The following ATOH8 variants were observed in gnomAD, a reference collection of about 807,000 sequenced individuals.
ATOH8 encodes the protein atonal bHLH transcription factor 8.
ATOH8 carries 9 observed loss-of-function variants against 21.2 expected under a neutral mutation model. The ratio of observed to expected loss-of-function variants is 0.42; its 90% confidence interval spans 0.26 to 0.74. The LOEUF is 0.74. Ranked by LOEUF, ATOH8 falls within the 30% of genes least tolerant of loss-of-function variation. ATOH8 has a pLI of 0.24. For missense variants in ATOH8, 524 were observed against 470.9 expected (o/e 1.11, Z -1.04); for synonymous variants, 253 against 224.0 (o/e 1.13, Z -1.16).
rs1679579613 is a variant in ATOH8 at position 85,754,027 on chromosome 2, G to A, written c.-163G>A. Reference sequence around the variant, plus strand: ...TGAGCGCTCCGGGAACGGACAGCCCGGCGGCTTCCCGAAGCCGGCGGCGCA... The same window carrying A: ...TGAGCGCTCCGGGAACGGACAGCCCAGCGGCTTCCCGAAGCCGGCGGCGCA... On this transcript the variant is annotated 5_prime_UTR_variant, in exon 1 of 3. Coordinates refer to ENST00000306279, the MANE Select transcript of ATOH8 (RefSeq NM_032827.7). The A allele has an allele frequency of 2.6e-6, 2 of 779,276 alleles. No homozygotes were observed. The highest frequency in any genetic ancestry group is 4.0e-4 in the Middle Eastern group (1 of 2,514). 48.3% of individuals were successfully genotyped at this position (779,276 alleles called of 1,614,324 possible).
In ATOH8 at chr2:85,787,349, T is replaced by A. The variant is rs1039031828; in HGVS notation, c.*459T>A. ...GGAACTCATGGAATGGATGGGCATT[T>A]GATGACCCCTGGGGGTCATCTTGGC... is the stretch of plus-strand genomic sequence containing the variant. On this transcript the variant is annotated 3_prime_UTR_variant, in exon 3 of 3. Transcript: ENST00000306279. The A allele has an allele frequency of 5.9e-6, 1 of 170,404 alleles. No homozygotes were observed. The allele number at this position is 170,404 out of a possible 1,614,324, so 10.6% of individuals were successfully genotyped here. A position where few individuals can be genotyped will look rare whatever the true frequency, so the allele number is the denominator to read the frequency against.
intron 2 of ATOH8, among the ~76,000 whole-genome samples, chr2:85,777,034 T>C (rs1008610988): frequency 1.3e-5 from 2 of 151,626 alleles, no homozygotes; most frequent in Non-Finnish European, 2.9e-5. Context: ...GGTACCTGAG[T>C]GTTAAAAGAT....
At position 85,789,085 on chromosome 2, in the gene ATOH8, C is replaced by T. The variant is rs1384908190; in HGVS notation, c.*2195C>T. On this transcript the variant is annotated 3_prime_UTR_variant, in exon 3 of 3. Transcript: ENST00000306279. ...GCAGGACATGTGGACTGACCAGCAT[C>T]AAACTGTTGACATAGAAGACCATTT... is the stretch of plus-strand genomic sequence containing the variant. Among the ~76,000 whole-genome samples, 5 of 152,196 alleles carry T rather than the reference C, an allele frequency of 3.3e-5. No individual in the cohort carries two copies.
Position 85,766,564 on chromosome 2 carries a change from G to A in ATOH8, c.960+2382G>A, listed in dbSNP as rs1680021676. ...GGCCCTGCGTCTCCCCATGGGGGCC[G>A]GTGTTCATAATTCCAGCCCTTCCCA... On this transcript the variant is annotated intron_variant, in intron 2 of 2. Transcript: ENST00000306279. This position sits in a 1 kb window ranked among gnomAD's most constrained non-coding sequence, Gnocchi z 4.0. Among the ~76,000 whole-genome samples the A allele has an allele frequency of 6.6e-6, 1 of 152,140 alleles. No homozygotes were observed. Among genetic ancestry groups the A allele is most frequent in the African/African-American group, 2.4e-5 (1 of 41,428 alleles).
At chr2:85,768,407 C>T (rs1012753205) in intron 2 of ATOH8, among the ~76,000 whole-genome samples, 2 of 152,130 alleles carry the variant, frequency 1.3e-5, no homozygotes, top group African/African-American at 2.4e-5. Flanking sequence ...TGCTGACAGG[C>T]CTGTCAGGCA....
At chr2:85,771,420 A>G (rs1387440916) in intron 2 of ATOH8, among the ~76,000 whole-genome samples, 1 of 152,130 alleles carries the variant, frequency 6.6e-6, no homozygotes, top group Non-Finnish European at 1.5e-5. Flanking sequence ...CAGAGAGGAA[A>G]TCTCATGAAT....
intron 2 of ATOH8, chr2:85,774,058 C>T (rs1680263537): frequency 2.0e-6 from 2 of 978,482 alleles, no homozygotes. Flanking sequence ...GCTACCCCAC[C>T]AGCTCCTGGG....
chr2:85,772,775 G>A (rs747188611), intron 2 of ATOH8: 4 of 456,744 alleles, frequency 8.8e-6, no homozygotes, highest in South Asian at 3.1e-5. Context: ...TTTCTCAGGC[G>A]CCGCTGTTTT....
chr2:85,765,074 CAG>C (rs1679973663), intron 2 of ATOH8, among the ~76,000 whole-genome samples: 1 of 152,190 alleles, frequency 6.6e-6, no homozygotes, highest in Non-Finnish European at 1.5e-5. Flanking sequence ...CATTCCCAGT[CAG>C]GGGTCAGTGC....
Position 85,789,654 on chromosome 2 carries a change from C to T in ATOH8, c.*2764C>T, listed in dbSNP as rs972400114. ...GAAGTATTGATGCCCAATTTCATCTCCAGAAATTCTGATGTATTGGTCTAG... is the reference window on the plus strand; with the variant it reads ...GAAGTATTGATGCCCAATTTCATCTTCAGAAATTCTGATGTATTGGTCTAG... On this transcript the variant is annotated 3_prime_UTR_variant, in exon 3 of 3. Transcript: ENST00000306279. 4.6e-5 allele frequency among the ~76,000 whole-genome samples: 7 copies of T among 152,124 alleles called. No individual in the cohort carries two copies. The highest frequency in any genetic ancestry group is 1.4e-4 in the African/African-American group (6 of 41,422).
chr2:85,765,025 G>A (rs1237356699), intron 2 of ATOH8, among the ~76,000 whole-genome samples: 1 of 152,194 alleles, frequency 6.6e-6, no homozygotes, highest in South Asian at 2.1e-4. Context: ...GAAAGGTGTT[G>A]GGCACAGCTA....
At chr2:85,778,707 G>A (rs773299880) in intron 2 of ATOH8, among the ~76,000 whole-genome samples, 3 of 152,286 alleles carry the variant, frequency 2.0e-5, no homozygotes, top group South Asian at 2.1e-4. Flanking sequence ...GTCACTTTGC[G>A]GTAAGGACTG....
intron 1 of ATOH8, among the ~76,000 whole-genome samples, chr2:85,762,527 G>A (rs1266016042): frequency 6.6e-6 from 1 of 152,182 alleles, no homozygotes; most frequent in Non-Finnish European, 1.5e-5. Flanking sequence ...TAGGGAGACT[G>A]AGCACTAAAG....
rs935692062 is a variant in ATOH8, at chr2:85,788,462, C to T, written c.*1572C>T. Among the ~76,000 whole-genome samples the T allele has an allele frequency of 6.6e-6, 1 of 152,202 alleles. No individual in the cohort carries two copies. Among genetic ancestry groups the T allele is most frequent in the African/African-American group, 2.4e-5 (1 of 41,452 alleles). ...GGATGGGCTCACTTCAAATCCTGTG[C>T]TCTCAAACCTTTTCCAGCCCCATCA... On this transcript the variant is annotated 3_prime_UTR_variant, in exon 3 of 3. Coordinates refer to ENST00000306279, the MANE Select transcript of ATOH8 (RefSeq NM_032827.7).
intron 2 of ATOH8, among the ~76,000 whole-genome samples, chr2:85,784,403 A>AT (rs762836470): frequency 3.4e-4 from 51 of 152,160 alleles, no homozygotes; most frequent in Admixed American, 2.4e-3. Flanking sequence ...TTAGCCAGGC[A>AT]TGGTGGTGCA....
chr2:85,773,997 G>A (rs527716110), intron 2 of ATOH8: 16 of 768,266 alleles, frequency 2.1e-5, no homozygotes, highest in African/African-American at 3.8e-5. Context: ...GGGGCCGTGC[G>A]GCCGGGTGCT....
chr2:85,788,783 T>A lies in ATOH8; in HGVS notation c.*1893T>A, dbSNP rs1027652667. Among the ~76,000 whole-genome samples the A allele has an allele frequency of 6.6e-6, 1 of 152,298 alleles. No homozygotes were observed. The highest frequency in any genetic ancestry group is 1.9e-4 in the East Asian group (1 of 5,186). On this transcript the variant is annotated 3_prime_UTR_variant, in exon 3 of 3. Coordinates refer to ENST00000306279, the MANE Select transcript of ATOH8 (RefSeq NM_032827.7). ...TGGGGCTGGCTGCAGGGAGCCCCCCTTGCAGTAGCGTTTCTCAGGCTGGCC... is the reference window on the plus strand; with the variant it reads ...TGGGGCTGGCTGCAGGGAGCCCCCCATGCAGTAGCGTTTCTCAGGCTGGCC...
At chr2:85,768,954 G>A (rs1321828179) in intron 2 of ATOH8, among the ~76,000 whole-genome samples, 1 of 152,142 alleles carries the variant, frequency 6.6e-6, no homozygotes, top group Non-Finnish European at 1.5e-5. Flanking sequence ...TTCTGACTCC[G>A]GCTGCAGCCG....
At chr2:85,758,546 A>G (rs1679779994) in intron 1 of ATOH8, among the ~76,000 whole-genome samples, 1 of 152,190 alleles carries the variant, frequency 6.6e-6, no homozygotes, top group Non-Finnish European at 1.5e-5. Context: ...CAGCCTGTCT[A>G]ATGTCCTGGA....
Sources: allele counts gnomAD v4.1 joint callset (sites outside exome capture counted in the v4.1 genomes callset), GRCh38; gene constraint gnomAD v4.1.1; non-coding constraint Gnocchi (gnomAD v3.1); transcripts MANE v1.5; gene names NCBI Gene and HGNC (gene_info 2026-07-23, HGNC 2026-07-21).